Variants in CDH20 observed in about 807,000 individuals in gnomAD.
The protein encoded by CDH20 is cadherin 20.
In CDH20, 29 loss-of-function variants were observed where a neutral mutation model predicts 74.2. That is an observed-to-expected ratio of 0.39 (90% CI 0.29 to 0.53). The LOEUF is 0.53. Among genes scored for constraint, CDH20 ranks in the 20% least tolerant of loss-of-function variants. The probability of loss-of-function intolerance (pLI) is 0.69; values close to 1 mark genes in which losing one functional copy is unlikely to be tolerated. For synonymous variants in CDH20, 469 were observed against 405.4 expected, an observed-to-expected ratio of 1.16 and a Z score of -1.88; for missense variants, 988 against 1,048.3, an observed-to-expected ratio of 0.94 and a Z score of 0.79.
At chr18:61,529,803 C>A (rs561174901) in intron 7 of CDH20, among the ~76,000 whole-genome samples, 20 of 152,252 alleles carry the variant, frequency 1.3e-4, no homozygotes, top group African/African-American at 4.6e-4. Flanking sequence ...ATGAGGTAGA[C>A]AAAATGAAGA....
chr18:61,498,259 G>A lies in CDH20; in HGVS notation c.247-927G>A, dbSNP rs139098545. On this transcript the variant is annotated intron_variant, in intron 2 of 11. Coordinates refer to ENST00000262717, the MANE Select transcript of CDH20 (RefSeq NM_031891.4). ...TACTAAAAATATAAAAACTAGCCAG[G>A]CATTGTGGTGCATGCCTGTAGTCCC... 9.5e-3 allele frequency among the ~76,000 whole-genome samples: 1,447 copies of A among 152,120 alleles called. 9 individuals are homozygous for A. The highest frequency in any genetic ancestry group is 0.017 in the Middle Eastern group (5 of 294).
chr18:61,343,528 C>T (rs1227563768), intron 1 of CDH20, among the ~76,000 whole-genome samples: 1 of 152,086 alleles, frequency 6.6e-6, no homozygotes, highest in East Asian at 1.9e-4. Flanking sequence ...CCAGTGTTTC[C>T]AGGGATGGCT....
chr18:61,528,600 G>A (rs180775730), intron 7 of CDH20, among the ~76,000 whole-genome samples: 2 of 152,134 alleles, frequency 1.3e-5, no homozygotes, highest in African/African-American at 2.4e-5. Context: ...CTTTACGCAC[G>A]AAATGCAGTA....
chr18:61,431,765 A>G (rs1449420361), intron 1 of CDH20, among the ~76,000 whole-genome samples: 2 of 152,194 alleles, frequency 1.3e-5, no homozygotes, highest in Admixed American at 6.6e-5. Flanking sequence ...CTGAGCTTCT[A>G]TAAAAGTTTG....
intron 1 of CDH20, among the ~76,000 whole-genome samples, chr18:61,426,342 G>A (rs140465658): frequency 5.9e-4 from 90 of 152,078 alleles, no homozygotes; most frequent in African/African-American, 1.7e-3. Flanking sequence ...AATATAATAC[G>A]GTGTACAAGA....
At chr18:61,436,506 T>G (rs1599084187) in intron 1 of CDH20, among the ~76,000 whole-genome samples, 1 of 152,184 alleles carries the variant, frequency 6.6e-6, no homozygotes, top group Non-Finnish European at 1.5e-5. Context: ...CTAATGAAGT[T>G]CAGTTTTAGA....
At chr18:61,518,508 C>A (rs1272336211) in intron 6 of CDH20, among the ~76,000 whole-genome samples, 1 of 145,882 alleles carries the variant, frequency 6.9e-6, no homozygotes, top group African/African-American at 2.7e-5. Context: ...CAAACTCCAG[C>A]AGACCTGCAG....
At position 61,488,780 on chromosome 18, in the gene CDH20, C is replaced by T. The variant is rs551097142; in HGVS notation, c.-152-1622C>T. Among the ~76,000 whole-genome samples, 14 of 152,080 alleles carry T rather than the reference C, an allele frequency of 9.2e-5. No individual in the cohort carries two copies. In the East Asian group the frequency reaches 2.5e-3, roughly 27 times the overall value. ...TCTGCCTTCTAGGCCCCTAAAACAG[C>T]ACAGCTATTTCTCACTAATCTTTGT... On this transcript the variant is annotated intron_variant, in intron 1 of 11. Transcript: ENST00000262717.
chr18:61,433,596 C>A (rs1048919751), intron 1 of CDH20, among the ~76,000 whole-genome samples: 5 of 152,156 alleles, frequency 3.3e-5, no homozygotes, highest in African/African-American at 9.6e-5. Flanking sequence ...TCATAAACAC[C>A]AGCTCTTCAC....
At chr18:61,527,550 T>C (rs1276889579) in intron 6 of CDH20, among the ~76,000 whole-genome samples, 1 of 152,110 alleles carries the variant, frequency 6.6e-6, no homozygotes, top group Non-Finnish European at 1.5e-5. Context: ...TGGGACAGAA[T>C]AGAGTCCTAG....
intron 1 of CDH20, among the ~76,000 whole-genome samples, chr18:61,392,787 TAAAA>T (rs78892459): frequency 6.8e-5 from 9 of 132,384 alleles, no homozygotes; most frequent in East Asian, 2.2e-4. Context: ...ATTACTATGG[TAAAA>T]AAAAAAAAAA....
At chr18:61,382,886 G>A (rs1223232181) in intron 1 of CDH20, among the ~76,000 whole-genome samples, 1 of 152,188 alleles carries the variant, frequency 6.6e-6, no homozygotes, top group Non-Finnish European at 1.5e-5. Flanking sequence ...TGTAAGGCAG[G>A]AGGAAAGAAT....
rs548703358 is a variant in CDH20 at position 61,555,694 on chromosome 18, T to G, written c.*999T>G. ...AAATTACATGTACAAGTTTTGTATA[T>G]TTGTTAATAATTTTGGTAATAAATA... is the stretch of plus-strand genomic sequence containing the variant. On this transcript the variant is annotated 3_prime_UTR_variant, in exon 12 of 12. Transcript: ENST00000262717. The G allele has an allele frequency of 1.3e-5, 13 of 968,354 alleles. 1 individual carries two copies. In the South Asian group the frequency reaches 6.2e-4, roughly 46 times the overall value. 60.0% of individuals were successfully genotyped at this position (968,354 alleles called of 1,614,324 possible). A position where few individuals can be genotyped will look rare whatever the true frequency, so the allele number is the denominator to read the frequency against.
intron 9 of CDH20, among the ~76,000 whole-genome samples, chr18:61,541,780 C>T (rs1913048853): frequency 6.6e-6 from 1 of 152,226 alleles, no homozygotes; most frequent in African/African-American, 2.4e-5. Flanking sequence ...CAGACACATG[C>T]TTCCCTCTTA....
intron 1 of CDH20, 107 bp from the exon 2 acceptor site, chr18:61,490,295 C>G (rs1414572124): frequency 2.5e-6 from 1 of 404,982 alleles, no homozygotes; most frequent in African/African-American, 2.0e-5. Flanking sequence ...GACTTTTTAA[C>G]TCATTGAGTA....
chr18:61,455,689 C>T (rs1235149077), intron 1 of CDH20, among the ~76,000 whole-genome samples: 1 of 152,112 alleles, frequency 6.6e-6, no homozygotes, highest in Non-Finnish European at 1.5e-5. Context: ...ATTCTCCTAA[C>T]AATATTTTTG....
intron 1 of CDH20, chr18:61,404,908 C>A: frequency 2.9e-6 from 2 of 683,288 alleles, no homozygotes; most frequent in Admixed American, 1.9e-5. Flanking sequence ...TCAGAATCAC[C>A]TGGATCAATG....
intron 1 of CDH20, among the ~76,000 whole-genome samples, chr18:61,347,602 G>T (rs532678738): frequency 6.6e-6 from 1 of 151,736 alleles, no homozygotes; most frequent in African/African-American, 2.4e-5. Flanking sequence ...TTTGTTAAAC[G>T]TTTCTCTGGT....
intron 10 of CDH20, among the ~76,000 whole-genome samples, chr18:61,546,971 G>T (rs952438140): frequency 6.6e-6 from 1 of 152,194 alleles, no homozygotes; most frequent in African/African-American, 2.4e-5. Flanking sequence ...CAGGAGAACT[G>T]CTTGATACCA....
Sources: gnomAD v4.1 joint callset for allele counts (sites outside exome capture counted in the v4.1 genomes callset) on GRCh38, gnomAD v4.1.1 for gene constraint, MANE v1.5 for transcripts, NCBI Gene and HGNC (gene_info 2026-07-23, HGNC 2026-07-21) for gene names.